TMEM117: variants seen among roughly 807,000 people sequenced by gnomAD.
TMEM117 encodes transmembrane protein 117.
A neutral mutation model predicts 52.4 loss-of-function variants in TMEM117; 27 were observed. The ratio of observed to expected loss-of-function variants is 0.51; its 90% CI spans 0.38 to 0.71. The LOEUF (loss-of-function observed/expected upper bound fraction) is 0.71. Ranked by LOEUF, TMEM117 falls within the 30% of genes least tolerant of loss-of-function variation. The pLI is 0.00. For synonymous variants in TMEM117, 215 were observed against 206.3 expected (o/e 1.04, Z -0.36); for missense variants, 556 against 630.5 (o/e 0.88, Z 1.26).
At chr12:44,195,406 A>G (rs1284561150) in intron 4 of TMEM117, among the ~76,000 whole-genome samples, 1 of 152,174 alleles carries the variant, frequency 6.6e-6, no homozygotes, top group Non-Finnish European at 1.5e-5. Flanking sequence ...ATATGAGTAA[A>G]TTAGTACCAC....
chr12:44,255,783 A>T (rs973413017), intron 5 of TMEM117, among the ~76,000 whole-genome samples: 2 of 152,140 alleles, frequency 1.3e-5, no homozygotes, highest in African/African-American at 4.8e-5. Context: ...GCATTACTGG[A>T]GGGATAATTT....
chr12:44,085,093 T>C (rs1185776057), intron 3 of TMEM117, among the ~76,000 whole-genome samples: 2 of 152,206 alleles, frequency 1.3e-5, no homozygotes, highest in East Asian at 3.8e-4. Flanking sequence ...TCTTGACACA[T>C]TTGGCATCAT....
chr12:44,234,099 G>A (rs1171516455), intron 5 of TMEM117, among the ~76,000 whole-genome samples: 2 of 151,084 alleles, frequency 1.3e-5, no homozygotes, highest in African/African-American at 4.8e-5. Flanking sequence ...TCTCTATCCC[G>A]ATTATGCTGG....
rs748844343 is a variant in TMEM117, at chr12:43,995,256, TAA to T, written c.410+50928_410+50929del. ...ACTGCACTCCAGCAAGGCTCTGTCT[TAA>T]AAAAAAAAAAAAAGGAAATTAAGGG... is the stretch of plus-strand genomic sequence containing the variant. On this transcript the variant is annotated intron_variant, in intron 3 of 7. Transcript: ENST00000266534. 1.8e-3 allele frequency among the ~76,000 whole-genome samples: 219 copies of T among 123,132 alleles called. 3 individuals carry two copies. The East Asian group carries it at 0.026, about 15-fold the overall frequency. The allele number at this position is 123,132 out of a possible 152,430, so 80.8% of individuals were successfully genotyped here.
chr12:44,063,477 T>A (rs1335900099), intron 3 of TMEM117, among the ~76,000 whole-genome samples: 2 of 152,046 alleles, frequency 1.3e-5, no homozygotes, highest in Non-Finnish European at 2.9e-5. Context: ...CTTTTTTTTT[T>A]ATTATTATAC....
At chr12:44,274,250 A>T (rs1950484784) in intron 5 of TMEM117, among the ~76,000 whole-genome samples, 1 of 152,126 alleles carries the variant, frequency 6.6e-6, no homozygotes, top group African/African-American at 2.4e-5. Flanking sequence ...TTTACCAAAG[A>T]AGTGAAAGAA....
chr12:44,084,595 G>T (rs1408674168), intron 3 of TMEM117, among the ~76,000 whole-genome samples: 1 of 152,074 alleles, frequency 6.6e-6, no homozygotes, highest in Non-Finnish European at 1.5e-5. Context: ...ATCAGAAAAG[G>T]TCACAATCTG....
At chr12:43,840,444 G>A (rs550411362) in intron 1 of TMEM117, among the ~76,000 whole-genome samples, 1 of 152,184 alleles carries the variant, frequency 6.6e-6, no homozygotes, top group Admixed American at 6.6e-5. Context: ...GAGTTGAGGG[G>A]GGGTGCATTA....
chr12:43,935,808 A>G (rs550356262), intron 2 of TMEM117, among the ~76,000 whole-genome samples: 12 of 152,338 alleles, frequency 7.9e-5, no homozygotes, highest in East Asian at 3.9e-4. Context: ...AAAGAAGACA[A>G]CTTCCCAGAG....
chr12:44,340,440 T>C (rs1951401513), intron 6 of TMEM117, among the ~76,000 whole-genome samples: 1 of 152,146 alleles, frequency 6.6e-6, no homozygotes, highest in South Asian at 2.1e-4. Context: ...GATTTGGCTA[T>C]GCTTTCTACT....
chr12:44,250,937 T>G (rs981311929), intron 5 of TMEM117, among the ~76,000 whole-genome samples: 2 of 152,148 alleles, frequency 1.3e-5, no homozygotes, highest in African/African-American at 4.8e-5. Flanking sequence ...CAAACCACCA[T>G]GGCACATGTA....
At chr12:44,284,314 A>T (rs1037309361) in intron 5 of TMEM117, among the ~76,000 whole-genome samples, 8 of 152,250 alleles carry the variant, frequency 5.3e-5, no homozygotes, top group Non-Finnish European at 8.8e-5. Flanking sequence ...CCGTCTCAAA[A>T]AAAAAACAAC....
intron 3 of TMEM117, among the ~76,000 whole-genome samples, chr12:44,044,983 T>C (rs979351120): frequency 6.6e-6 from 1 of 152,224 alleles, no homozygotes; most frequent in African/African-American, 2.4e-5. Context: ...AAGAGATATG[T>C]GGATGGAACT....
At chr12:44,074,148 C>A (rs778948872) in intron 3 of TMEM117, among the ~76,000 whole-genome samples, 5 of 151,988 alleles carry the variant, frequency 3.3e-5, no homozygotes, top group African/African-American at 9.7e-5. Flanking sequence ...GAAAAAAAAC[C>A]AACTTACCTG....
At chr12:44,185,897 C>T (rs1330577735) in intron 4 of TMEM117, among the ~76,000 whole-genome samples, 1 of 151,742 alleles carries the variant, frequency 6.6e-6, no homozygotes, top group East Asian at 1.9e-4. Flanking sequence ...CACACACACA[C>T]ACACACACAC....
At chr12:43,987,746 T>C (rs1945872111) in intron 3 of TMEM117, among the ~76,000 whole-genome samples, 1 of 152,168 alleles carries the variant, frequency 6.6e-6, no homozygotes, top group Non-Finnish European at 1.5e-5. Context: ...TTTATCCCTA[T>C]AAAATAAAAA....
At chr12:44,338,452 C>T (rs1951371543) in intron 6 of TMEM117, among the ~76,000 whole-genome samples, 1 of 151,832 alleles carries the variant, frequency 6.6e-6, no homozygotes, top group Admixed American at 6.6e-5. Flanking sequence ...AATTCTAGGC[C>T]AAATCCTTTA....
chr12:44,143,496 G>A, intron 3 of TMEM117, 29 bp from the exon 4 acceptor site: 1 of 1,564,842 alleles, frequency 6.4e-7, no homozygotes, highest in Non-Finnish European at 8.8e-7. Flanking sequence ...TCTGAGTCCG[G>A]ACAATGTCTT....
At chr12:44,179,414 C>A (rs1445101463) in intron 4 of TMEM117, among the ~76,000 whole-genome samples, 1 of 152,166 alleles carries the variant, frequency 6.6e-6, no homozygotes, top group African/African-American at 2.4e-5. Context: ...AGGCTGAAGG[C>A]CCGAGAGCTT....
Sources: allele counts gnomAD v4.1 joint callset (sites outside exome capture counted in the v4.1 genomes callset), GRCh38; gene constraint gnomAD v4.1.1; transcripts MANE v1.5; gene names NCBI Gene and HGNC (gene_info 2026-07-23, HGNC 2026-07-21).